CCDC158: variants seen among roughly 807,000 people sequenced by gnomAD.
The protein encoded by CCDC158 is coiled-coil domain-containing protein 158.
CCDC158 carries 116 observed loss-of-function variants against 138.6 expected under a neutral mutation model. The ratio of observed to expected loss-of-function variants is 0.84; its 90% confidence interval spans 0.72 to 0.98. CCDC158 has a LOEUF of 0.98. Among genes scored for constraint, CCDC158 ranks in the 50% least tolerant of loss-of-function variants. The pLI, the probability that CCDC158 is intolerant of heterozygous loss-of-function variation, is 0.00. For synonymous variants in CCDC158, 436 were observed against 442.4 expected, an observed-to-expected ratio of 0.99 and a Z score of 0.18; for missense variants, 1,265 against 1,306.1, an observed-to-expected ratio of 0.97 and a Z score of 0.48.
At chr4:76,410,167 A>C (rs560710579) in intron 2 of CCDC158, among the ~76,000 whole-genome samples, 5 of 152,126 alleles carry the variant, frequency 3.3e-5, no homozygotes, top group African/African-American at 1.2e-4. Context: ...CTATCATAGA[A>C]TGAATAACTG....
chr4:76,410,272 C>T (rs906866617), intron 2 of CCDC158, among the ~76,000 whole-genome samples: 3 of 152,152 alleles, frequency 2.0e-5, no homozygotes, highest in Admixed American at 6.5e-5. Flanking sequence ...GCAACCTCCA[C>T]CTCCCATGTT....
intron 18 of CCDC158, chr4:76,344,787 C>T: frequency 6.2e-7 from 1 of 1,607,602 alleles, no homozygotes; most frequent in Non-Finnish European, 8.5e-7. Context: ...TGCTATGAAG[C>T]CCGACTTCAA....
chr4:76,356,659 A>G (rs764847422), intron 14 of CCDC158: 12 of 152,218 alleles, frequency 7.9e-5, no homozygotes, highest in Non-Finnish European at 1.6e-4. Flanking sequence ...CACAGAGACT[A>G]TGGTAATCTT....
At chr4:76,357,769 T>C (rs1046409500) in intron 13 of CCDC158, among the ~76,000 whole-genome samples, 10 of 152,232 alleles carry the variant, frequency 6.6e-5, no homozygotes, top group Middle Eastern at 3.4e-3. Flanking sequence ...CATTGTTTTT[T>C]CCCAAACATT....
intron 3 of CCDC158, chr4:76,401,659 C>T (rs920804064): frequency 6.1e-6 from 1 of 164,144 alleles, no homozygotes; most frequent in Non-Finnish European, 1.3e-5. Context: ...AGAAGTCTAT[C>T]AGTTCTTGGT....
intron 18 of CCDC158, chr4:76,344,730 A>G (rs540109146): frequency 6.2e-7 from 1 of 1,613,864 alleles, no homozygotes; most frequent in African/African-American, 1.3e-5. Flanking sequence ...GCTACATGAC[A>G]CTCTTATTGA....
chr4:76,331,803 A>G (rs1721034074), intron 20 of CCDC158, among the ~76,000 whole-genome samples: 1 of 152,176 alleles, frequency 6.6e-6, no homozygotes, highest in African/African-American at 2.4e-5. Context: ...AGACTGAGGG[A>G]CATGTACTTA....
At chr4:76,367,894 C>T in intron 11 of CCDC158, 118 bp from the exon 12 acceptor site, 1 of 684,966 alleles carries the variant, frequency 1.5e-6, no homozygotes, top group Non-Finnish European at 2.2e-6. Flanking sequence ...TTAGTAAGAT[C>T]TTTTTTTTTT....
chr4:76,382,815 T>A (rs1180375531), intron 7 of CCDC158, 95 bp from the exon 8 acceptor site: 7 of 827,020 alleles, frequency 8.5e-6, no homozygotes, highest in Non-Finnish European at 1.1e-5. Context: ...CTCTCAAATT[T>A]AGTATTTTGC....
intron 12 of CCDC158, among the ~76,000 whole-genome samples, chr4:76,365,890 A>C (rs28398006): frequency 0.025 from 3,785 of 152,274 alleles, 150 homozygotes; most frequent in African/African-American, 0.086. Flanking sequence ...GAACCACTGC[A>C]CAGTAACATC....
chr4:76,341,065 G>T (rs1205284904), intron 18 of CCDC158, among the ~76,000 whole-genome samples: 1 of 152,102 alleles, frequency 6.6e-6, no homozygotes, highest in Non-Finnish European at 1.5e-5. Context: ...CTATTACATT[G>T]TGACTCTGAA....
intron 11 of CCDC158, among the ~76,000 whole-genome samples, chr4:76,368,442 G>A (rs1724903501): frequency 6.6e-6 from 1 of 152,164 alleles, no homozygotes; most frequent in South Asian, 2.1e-4. Context: ...CCCAGGTTAA[G>A]CCAGAGAGTA....
chr4:76,327,344 T>C (rs1416916001), intron 22 of CCDC158, among the ~76,000 whole-genome samples: 4 of 152,196 alleles, frequency 2.6e-5, no homozygotes, highest in Non-Finnish European at 5.9e-5. Context: ...ATTATAAATA[T>C]AGTTACAATT....
intron 24 of CCDC158, among the ~76,000 whole-genome samples, chr4:76,320,657 C>A (rs1719909854): frequency 6.6e-6 from 1 of 152,118 alleles, no homozygotes; most frequent in African/African-American, 2.4e-5. Flanking sequence ...AGCCACTGAT[C>A]TTCGACAATG....
intron 24 of CCDC158, among the ~76,000 whole-genome samples, chr4:76,321,210 T>C (rs1849217): frequency 0.25 from 38,066 of 151,992 alleles, 5,897 homozygotes; most frequent in East Asian, 0.69. Context: ...AACAACAGTA[T>C]GATACTACCT....
chr4:76,391,971 A>AAATCT (rs1727355110), intron 4 of CCDC158, among the ~76,000 whole-genome samples: 1 of 151,798 alleles, frequency 6.6e-6, no homozygotes. Flanking sequence ...AACCCTGAAG[A>AAATCT]AATCTAAAAC....
chr4:76,383,679 C>T lies in CCDC158; in HGVS notation c.786G>A (p.Leu262=). The T allele has an allele frequency of 1.9e-6, 3 of 1,612,974 alleles. No individual in the cohort carries two copies. The highest frequency in any genetic ancestry group is 2.5e-6 in the Non-Finnish European group (3 of 1,179,084). ...AAACCTACCTATCTTGGTGTTGTTG[C>T]AGAAGTAGTTCTATTTTGTTCTGTG... The part of the protein sequence containing the change: ...SESQNKIELL[L]QQHQDRIEQL... Residue 262 remains leucine (L), a synonymous_variant, in exon 7 of 25, where the codon CTG becomes CTA. Transcript: ENST00000682701.
At chr4:76,323,618 TA>T (rs1720251383) in intron 23 of CCDC158, among the ~76,000 whole-genome samples, 1 of 152,228 alleles carries the variant, frequency 6.6e-6, no homozygotes, top group Non-Finnish European at 1.5e-5. Flanking sequence ...ATTGCAATGC[TA>T]GCCTATTTGA....
chr4:76,365,411 C>T (rs1724556425), intron 12 of CCDC158, among the ~76,000 whole-genome samples: 1 of 152,180 alleles, frequency 6.6e-6, no homozygotes, highest in South Asian at 2.1e-4. Context: ...GCTGCTCCAG[C>T]TCCATATTTA....
Sources: gnomAD v4.1 joint callset for allele counts (sites outside exome capture counted in the v4.1 genomes callset) on GRCh38, gnomAD v4.1.1 for gene constraint, MANE v1.5 for transcripts, NCBI Gene and HGNC (gene_info 2026-07-23, HGNC 2026-07-21) for gene names.